The following NAA15 variants were observed in gnomAD, a reference collection of about 807,000 sequenced individuals.
NAA15 encodes the protein N-terminal acetyltransferase.
A neutral mutation model predicts 114.0 loss-of-function variants in NAA15; 34 were observed. The observed-to-expected ratio is 0.30, with a 90% CI of 0.23 to 0.40. The LOEUF (loss-of-function observed/expected upper bound fraction) is 0.40, where lower values mean the gene tolerates loss of function less well. Ranked by LOEUF, NAA15 falls within the 10% of genes least tolerant of loss-of-function variation. The probability of loss-of-function intolerance (pLI) is 1.00; values close to 1 mark genes in which losing one functional copy is unlikely to be tolerated. For missense variants in NAA15, 658 were observed against 1,004.5 expected, an observed-to-expected ratio of 0.66 and a Z score of 4.66; for synonymous variants, 340 against 338.0, an observed-to-expected ratio of 1.01 and a Z score of -0.06.
intron 1 of NAA15, 58 bp downstream of exon 1, chr4:139,301,889 C>T: frequency 6.6e-7 from 1 of 1,526,326 alleles, no homozygotes. Flanking sequence ...CCGGGCCTGT[C>T]ACCCCTAACC....
intron 1 of NAA15, chr4:139,302,089 C>G: frequency 2.5e-6 from 1 of 397,914 alleles, no homozygotes; most frequent in Non-Finnish European, 4.5e-6. Flanking sequence ...CTCCCGGCTT[C>G]TAGACTGCCG....
intron 14 of NAA15, among the ~76,000 whole-genome samples, chr4:139,365,641 C>T (rs993616715): frequency 2.0e-5 from 3 of 152,044 alleles, no homozygotes; most frequent in Non-Finnish European, 2.9e-5. Context: ...AGTCCGAGAC[C>T]AGCCTGGGCA....
intron 13 of NAA15, 93 bp from the exon 14 acceptor site, chr4:139,361,631 T>C: frequency 1.3e-6 from 1 of 751,990 alleles, no homozygotes; most frequent in Non-Finnish European, 2.0e-6. Context: ...GTTTTTTTCA[T>C]GCCAAAGTAA....
At position 139,389,933 on chromosome 4, in the gene NAA15, A is replaced by G. The variant is rs1336747165; in HGVS notation, c.*1849A>G. 3.3e-5 allele frequency: 5 copies of G among 152,664 alleles called. No homozygotes were observed. The highest frequency in any genetic ancestry group is 5.9e-5 in the Non-Finnish European group (4 of 68,040). 9.5% of individuals were successfully genotyped at this position (152,664 alleles called of 1,614,324 possible). On this transcript the variant is annotated 3_prime_UTR_variant, in exon 20 of 20. Transcript: ENST00000296543. ...TATTAACTGGCCCTGTCTCAGGAAC[A>G]TCTTAACAGATGGCAAAAAAACAAA...
rs372224765 is a variant in NAA15 at position 139,386,148 on chromosome 4, A to G, written c.2318A>G (p.Tyr773Cys). Residue 773 changes from tyrosine (Y) to cysteine (C), a missense_variant, in exon 19 of 20, where the codon TAT (tyrosine) becomes TGT (cysteine). This residue lies in a region of NAA15 where 275 missense variants were observed against 371.1 expected (regional missense o/e 0.74). Coordinates refer to ENST00000296543, the MANE Select transcript of NAA15 (RefSeq NM_057175.5). ...TCTCATTTAGCTGCCAAAATGGTAT[A>G]TTACTTAGATCCTTCTAGTCAGAAG... ...PHRLSAAKMVYYLDPSSQKRA... is the reference protein window; with the variant it reads ...PHRLSAAKMVCYLDPSSQKRA... 1.3e-6 allele frequency: 2 copies of G among 1,593,638 alleles called. No individual in the cohort carries two copies. The highest frequency in any genetic ancestry group is 1.7e-6 in the Non-Finnish European group (2 of 1,169,486).
At chr4:139,351,413 C>A in intron 8 of NAA15, 92 bp from the exon 9 acceptor site, 1 of 1,040,822 alleles carries the variant, frequency 9.6e-7, no homozygotes, top group Non-Finnish European at 1.5e-6. Context: ...AACAACTCTG[C>A]TAAATGTAAG....
chr4:139,337,340 G>T (rs893166822), intron 3 of NAA15, among the ~76,000 whole-genome samples: 1 of 152,138 alleles, frequency 6.6e-6, no homozygotes, highest in Admixed American at 6.6e-5. Context: ...TATTAGAGCG[G>T]CATTATAATA....
chr4:139,349,435 ATTT>A, intron 6 of NAA15, 24 bp from the exon 7 acceptor site: 1 of 1,122,704 alleles, frequency 8.9e-7, no homozygotes, highest in East Asian at 3.3e-5. Context: ...AGATATTAAA[ATTT>A]TTTTTTTTTC....
chr4:139,315,261 T>C (rs1363921680), intron 1 of NAA15, among the ~76,000 whole-genome samples: 1 of 151,886 alleles, frequency 6.6e-6, no homozygotes, highest in African/African-American at 2.4e-5. Flanking sequence ...GGCTCACGCC[T>C]GTAATCTCAG....
chr4:139,306,487 G>A (rs1273657754), intron 1 of NAA15, among the ~76,000 whole-genome samples: 1 of 151,614 alleles, frequency 6.6e-6, no homozygotes, highest in Non-Finnish European at 1.5e-5. Context: ...TGCCTGCCTC[G>A]GCCTCCCAAA....
chr4:139,325,313 C>G (rs1048543750), intron 1 of NAA15, among the ~76,000 whole-genome samples: 1 of 152,132 alleles, frequency 6.6e-6, no homozygotes, highest in African/African-American at 2.4e-5. Flanking sequence ...TAACCTTTAA[C>G]ATTTAATAAA....
At chr4:139,308,653 C>G (rs1166303192) in intron 1 of NAA15, among the ~76,000 whole-genome samples, 1 of 152,166 alleles carries the variant, frequency 6.6e-6, no homozygotes. Context: ...GGCTGGAGTA[C>G]AGTGGCGTGA....
chr4:139,308,250 C>A lies in NAA15; in HGVS notation c.54+6419C>A, dbSNP rs1373000279. Among the ~76,000 whole-genome samples the A allele has an allele frequency of 2.6e-5, 4 of 152,216 alleles. No homozygotes were observed. In the South Asian group the frequency reaches 8.3e-4, roughly 32 times the overall value. ...TGCTAGGATTACAGGCATGAACCACCGCGCCCGGCCCATTGTATAATAGGT... is the reference window on the plus strand; with the variant it reads ...TGCTAGGATTACAGGCATGAACCACAGCGCCCGGCCCATTGTATAATAGGT... On this transcript the variant is annotated intron_variant, in intron 1 of 19. Transcript: ENST00000296543.
intron 1 of NAA15, among the ~76,000 whole-genome samples, chr4:139,315,001 T>TTCAGTTCAGTTCAGGTGAGGTTAGG (rs1181192026): frequency 1.3e-5 from 1 of 74,356 alleles, no homozygotes; most frequent in Admixed American, 1.5e-4. Context: ...TTCAGTTCAG[T>TTCAGTTCAGTTCAGGTGAGGTTAGG]TTAGTTTAGG....
intron 1 of NAA15, among the ~76,000 whole-genome samples, chr4:139,326,546 T>A (rs879669176): frequency 6.6e-5 from 10 of 152,238 alleles, no homozygotes; most frequent in Non-Finnish European, 1.2e-4. Context: ...GAGTCACTGT[T>A]TGAAACCAGA....
intron 1 of NAA15, among the ~76,000 whole-genome samples, chr4:139,331,971 C>G (rs1747026187): frequency 6.6e-6 from 1 of 152,072 alleles, no homozygotes; most frequent in East Asian, 1.9e-4. Flanking sequence ...GTATTTCTGT[C>G]ATGAGCTTAT....
intron 14 of NAA15, among the ~76,000 whole-genome samples, chr4:139,369,772 T>C (rs964655704): frequency 1.3e-5 from 2 of 149,718 alleles, no homozygotes; most frequent in East Asian, 2.0e-4. Flanking sequence ...TACATACATA[T>C]GGGGACATTT....
At chr4:139,318,467 A>G (rs1007456975) in intron 1 of NAA15, 1 of 152,232 alleles carries the variant, frequency 6.6e-6, no homozygotes, top group African/African-American at 2.4e-5. Context: ...ATGTAAATTC[A>G]TGAAATATTC....
intron 13 of NAA15, among the ~76,000 whole-genome samples, chr4:139,361,037 AGCTTAT>A: frequency 6.6e-6 from 1 of 152,284 alleles, no homozygotes; most frequent in East Asian, 1.9e-4. Context: ...TTTCTTCTGT[AGCTTAT>A]CTAATTTCAT....
Sources: allele counts gnomAD v4.1 joint callset (sites outside exome capture counted in the v4.1 genomes callset), GRCh38; gene constraint gnomAD v4.1.1; regional missense constraint gnomAD v4.1.1; transcripts MANE v1.5; gene names NCBI Gene and HGNC (gene_info 2026-07-23, HGNC 2026-07-21).